The following RPTOR variants were observed in gnomAD, a reference collection of about 807,000 sequenced individuals.
RPTOR encodes regulatory-associated protein of mTOR.
Under a neutral mutation model 169.9 loss-of-function variants are expected in RPTOR, and 21 were observed. That is an observed-to-expected ratio of 0.12 (90% CI 0.09 to 0.18). The LOEUF is 0.18. Ranked by LOEUF, RPTOR falls within the 10% of genes least tolerant of loss-of-function variation. The pLI is 1.00. For missense variants in RPTOR, 1,133 were observed against 1,855.9 expected (o/e 0.61, Z 7.16); for synonymous variants, 732 against 753.2 (o/e 0.97, Z 0.46).
intron 6 of RPTOR, among the ~76,000 whole-genome samples, chr17:80,784,522 G>C (rs1375794747): frequency 6.6e-6 from 1 of 151,816 alleles, no homozygotes; most frequent in Non-Finnish European, 1.5e-5. Context: ...CTCCCGAGTA[G>C]CTGGGATTAT....
At chr17:80,694,652 G>A (rs867233187) in intron 3 of RPTOR, among the ~76,000 whole-genome samples, 1 of 152,202 alleles carries the variant, frequency 6.6e-6, no homozygotes, top group African/African-American at 2.4e-5. Context: ...TGTTGATCAC[G>A]GCTGGTGGTA....
intron 1 of RPTOR, among the ~76,000 whole-genome samples, chr17:80,560,911 G>A (rs2084477949): frequency 9.3e-6 from 1 of 107,792 alleles, no homozygotes; most frequent in African/African-American, 3.1e-5. Context: ...AAGGAAGGGA[G>A]CAGAGACCCT....
intron 3 of RPTOR, among the ~76,000 whole-genome samples, chr17:80,696,442 C>T (rs1375047081): frequency 6.6e-6 from 1 of 152,168 alleles, no homozygotes; most frequent in African/African-American, 2.4e-5. Flanking sequence ...TGGAGCTCGG[C>T]TTTCGTTAGT....
At chr17:80,890,889 C>T (rs1209889190) in intron 17 of RPTOR, among the ~76,000 whole-genome samples, 1 of 152,132 alleles carries the variant, frequency 6.6e-6, no homozygotes, top group Non-Finnish European at 1.5e-5. Context: ...CCAGAGCCTG[C>T]TCATCCAGCC....
intron 6 of RPTOR, among the ~76,000 whole-genome samples, chr17:80,761,980 G>A (rs936199256): frequency 3.9e-5 from 6 of 152,176 alleles, no homozygotes; most frequent in African/African-American, 4.8e-5. Context: ...GCTTTATGAC[G>A]TTTCCAAGTA....
At chr17:80,882,196 T>C (rs759442409) in intron 14 of RPTOR, among the ~76,000 whole-genome samples, 1 of 152,196 alleles carries the variant, frequency 6.6e-6, no homozygotes, top group Non-Finnish European at 1.5e-5. Flanking sequence ...GTTCACCATG[T>C]AGCCAGCATG....
intron 5 of RPTOR, among the ~76,000 whole-genome samples, chr17:80,732,915 A>T (rs1245851045): frequency 6.6e-6 from 1 of 152,236 alleles, no homozygotes; most frequent in African/African-American, 2.4e-5. Flanking sequence ...TTTATTGTAT[A>T]ACATGTGAGC....
chr17:80,939,255 C>T (rs2068992806), intron 24 of RPTOR, among the ~76,000 whole-genome samples: 1 of 152,204 alleles, frequency 6.6e-6, no homozygotes, highest in Admixed American at 6.5e-5. Context: ...GCCATCCTCC[C>T]GCGGAAAGTC....
At chr17:80,892,624 A>C (rs1243884627) in intron 18 of RPTOR, 105 bp from the exon 19 acceptor site, 8 of 1,275,334 alleles carry the variant, frequency 6.3e-6, no homozygotes, top group Admixed American at 1.9e-5. Context: ...GTTGCAGCAC[A>C]GGTAGCAGCT....
chr17:80,690,580 C>T (rs933243826), intron 3 of RPTOR, among the ~76,000 whole-genome samples: 8 of 151,642 alleles, frequency 5.3e-5, no homozygotes, highest in African/African-American at 1.9e-4. Context: ...CCCCCCTTGC[C>T]CTGGGTGAGC....
At chr17:80,933,577 T>A (rs1193360777) in intron 24 of RPTOR, among the ~76,000 whole-genome samples, 1 of 152,220 alleles carries the variant, frequency 6.6e-6, no homozygotes, top group African/African-American at 2.4e-5. Context: ...GCACCATCCC[T>A]GGCAGCCTTT....
intron 12 of RPTOR, among the ~76,000 whole-genome samples, chr17:80,856,578 C>T: frequency 6.6e-6 from 1 of 152,198 alleles, no homozygotes; most frequent in Middle Eastern, 3.2e-3. Flanking sequence ...GGGCCATTTT[C>T]ACTCCAGGTG....
intron 6 of RPTOR, among the ~76,000 whole-genome samples, chr17:80,786,716 T>G (rs2143477090): frequency 6.6e-6 from 1 of 152,370 alleles, no homozygotes; most frequent in Middle Eastern, 3.4e-3. Context: ...GAGACTCAGC[T>G]GCCTGTCACA....
chr17:80,919,067 G>A (rs965963165), intron 21 of RPTOR, among the ~76,000 whole-genome samples: 2 of 152,218 alleles, frequency 1.3e-5, no homozygotes, highest in East Asian at 1.9e-4. Context: ...TTCCCGCAGC[G>A]CCTAGGACTG....
chr17:80,730,754 TC>T lies in RPTOR; in HGVS notation c.654+51del. On this transcript the variant is annotated intron_variant, in intron 5 of 33. Transcript: ENST00000306801. The surrounding 1 kb of genome is among the most constrained non-coding windows in gnomAD (Gnocchi z 4.2). The stretch of plus-strand genomic sequence containing the variant: ...AGCGGTGCTGGGTTTGGTTTTGTTT[TC>T]CCTGGGGGTGGGGTTTGGGTGGGGA... The T allele has an allele frequency of 1.1e-5, 8 of 721,624 alleles. No individual in the cohort carries two copies. The highest frequency in any genetic ancestry group is 1.3e-5 in the Non-Finnish European group (6 of 457,676). The allele number at this position is 721,624 out of a possible 1,614,324, so 44.7% of individuals were successfully genotyped here.
At chr17:80,634,209 GCA>G (rs1166734380) in intron 2 of RPTOR, among the ~76,000 whole-genome samples, 43 of 145,546 alleles carry the variant, frequency 3.0e-4, no homozygotes, top group African/African-American at 9.9e-4. Context: ...TACTGTGTGT[GCA>G]TACTGTGTGC....
rs1390232638 is a variant in RPTOR at position 80,773,930 on chromosome 17, TA to T, written c.831-17519del. The T allele has an allele frequency of 1.0e-5, 10 of 984,154 alleles. No homozygotes were observed. In the African/African-American group the frequency reaches 1.4e-4, roughly 14 times the overall value. 61.0% of individuals were successfully genotyped at this position (984,154 alleles called of 1,614,324 possible). A position where few individuals can be genotyped will look rare whatever the true frequency, so the allele number is the denominator to read the frequency against. On this transcript the variant is annotated intron_variant, in intron 6 of 33. Transcript: ENST00000306801. ...ACAGCTCCCGGTGGACACGCAGGGCTATGCGGCCTGCCCTGGGGGCTATGGT... is the reference window on the plus strand; with the variant it reads ...ACAGCTCCCGGTGGACACGCAGGGCTTGCGGCCTGCCCTGGGGGCTATGGT...
At chr17:80,606,737 C>T (rs1356892146) in intron 1 of RPTOR, among the ~76,000 whole-genome samples, 1 of 152,178 alleles carries the variant, frequency 6.6e-6, no homozygotes, top group Non-Finnish European at 1.5e-5. Flanking sequence ...TTGTTCACTA[C>T]TGTTTACCTG....
chr17:80,832,478 G>A (rs1433172804), intron 9 of RPTOR, among the ~76,000 whole-genome samples: 3 of 152,222 alleles, frequency 2.0e-5, no homozygotes, highest in Non-Finnish European at 4.4e-5. Context: ...GAGGGAATGT[G>A]GCCTCCACCT....
Sources: gnomAD v4.1 joint callset for allele counts (sites outside exome capture counted in the v4.1 genomes callset) on GRCh38, gnomAD v4.1.1 for gene constraint, Gnocchi (gnomAD v3.1) non-coding constraint, MANE v1.5 for transcripts, NCBI Gene and HGNC (gene_info 2026-07-23, HGNC 2026-07-21) for gene names.